Variants in CNTD1 observed in about 807,000 individuals in gnomAD.
CNTD1 encodes cyclin N-terminal domain containing 1.
In CNTD1, 17 loss-of-function variants were observed where a neutral mutation model predicts 36.3. The observed-to-expected ratio is 0.47, with a 90% CI of 0.32 to 0.70. The LOEUF is 0.70. CNTD1 is among the 30% of genes least tolerant of loss of function. The pLI, the probability that CNTD1 is intolerant of heterozygous loss-of-function variation, is 0.03. For missense variants in CNTD1, 338 were observed against 386.1 expected (o/e 0.88, Z 1.04); for synonymous variants, 128 against 153.3 (o/e 0.83, Z 1.22).
At position 42,810,626 on chromosome 17, in the gene CNTD1, G is replaced by A; in HGVS notation, c.*1091G>A. 3.3e-6 allele frequency: 3 copies of A among 911,600 alleles called. No individual in the cohort carries two copies. The highest frequency in any genetic ancestry group is 4.7e-6 in the Non-Finnish European group (3 of 641,026). 56.5% of individuals were successfully genotyped at this position (911,600 alleles called of 1,614,324 possible). A position where few individuals can be genotyped will look rare whatever the true frequency, so the allele number is the denominator to read the frequency against. On this transcript the variant is annotated 3_prime_UTR_variant, in exon 7 of 7. Coordinates refer to ENST00000588408, the MANE Select transcript of CNTD1 (RefSeq NM_173478.3). ...TCACATGATATTTTAAAATAAAGTG[G>A]CTTTTGTGGATTTTTTCTTTTTTGG...
Position 42,805,883 on chromosome 17 carries a change from A to G in CNTD1, c.579A>G (p.Leu193=), listed in dbSNP as rs2054871273. The change falls in exon 4 of 7, where the codon TTA becomes TTG. Residue 193 remains leucine (L), a splice_region_variant and synonymous_variant. Coordinates refer to ENST00000588408, the MANE Select transcript of CNTD1 (RefSeq NM_173478.3). ...LAYVETLLEV[L]GYNGCLVPAM... is the part of the protein sequence containing the mutation. Reference sequence around the variant, plus strand: ...ATGTGGAGACGCTCCTAGAGGTTTTAGGTATCTTACTGTGTTAGGGAATAT... The same window carrying G: ...ATGTGGAGACGCTCCTAGAGGTTTTGGGTATCTTACTGTGTTAGGGAATAT... The G allele has an allele frequency of 6.2e-7, 1 of 1,609,784 alleles. No individual in the cohort carries two copies. Among genetic ancestry groups the G allele is most frequent in the Admixed American group, 1.7e-5 (1 of 59,308 alleles).
chr17:42,809,751 G>T lies in CNTD1; in HGVS notation c.*216G>T. 1 of 496,340 alleles carries T rather than the reference G, an allele frequency of 2.0e-6. No individual in the cohort carries two copies. 30.7% of individuals were successfully genotyped at this position (496,340 alleles called of 1,614,324 possible). On this transcript the variant is annotated 3_prime_UTR_variant, in exon 7 of 7. Coordinates refer to ENST00000588408, the MANE Select transcript of CNTD1 (RefSeq NM_173478.3). ...GCCTGAAAATGTTAAAAAGCTAGGT[G>T]GAGACAGATTAGTTGTTTCATTTTT... is the stretch of plus-strand genomic sequence containing the variant.
upstream of CNTD1, chr17:42,798,806 C>G: frequency 1.4e-6 from 2 of 1,451,738 alleles, no homozygotes. Flanking sequence ...CCGCGGTTCC[C>G]GGGCACAGGG....
At chr17:42,800,521 G>A (rs2054761860) in intron 1 of CNTD1, among the ~76,000 whole-genome samples, 1 of 152,158 alleles carries the variant, frequency 6.6e-6, no homozygotes, top group Non-Finnish European at 1.5e-5. Context: ...TGAATGCCAA[G>A]GGGAAGAGTT....
intron 1 of CNTD1, among the ~76,000 whole-genome samples, chr17:42,800,062 CTCTG>C (rs1469587311): frequency 7.9e-6 from 1 of 125,990 alleles, no homozygotes; most frequent in Non-Finnish European, 1.6e-5. Context: ...CAGAGCGAGA[CTCTG>C]TCTAAAAAAA....
chr17:42,809,306 T>G lies in CNTD1; in HGVS notation c.823-59T>G, dbSNP rs372364782. 12 of 1,431,650 alleles carry G rather than the reference T, an allele frequency of 8.4e-6. No homozygotes were observed. The East Asian group carries it at 2.1e-4, about 25-fold the overall frequency. 88.7% of individuals were successfully genotyped at this position (1,431,650 alleles called of 1,614,324 possible). On this transcript the variant is annotated intron_variant, in intron 6 of 6. Transcript: ENST00000588408. ...GAACATCCCAAGTAATGTGTGTGTT[T>G]GTGCACTAAAATGTGTTGAGATTTT...
chr17:42,809,370 G>A lies in CNTD1; in HGVS notation c.828G>A (p.Val276=), dbSNP rs2054945624. 1.2e-6 allele frequency: 2 copies of A among 1,609,506 alleles called. No individual in the cohort carries two copies. Among genetic ancestry groups the A allele is most frequent in the South Asian group, 1.1e-5 (1 of 90,498 alleles). Residue 276 remains valine, a synonymous_variant, in exon 7 of 7, where the codon GTG becomes GTA. Transcript: ENST00000588408. ...IQNHECWSQV[V]GHLQSITGIA... is the part of the protein sequence containing the mutation. ...ATCTGTCTCTATTTCTGAAGGTTGT[G>A]GGGCATTTGCAGAGCATCACTGGTA... is the stretch of plus-strand genomic sequence containing the variant.
At position 42,806,706 on chromosome 17, in the gene CNTD1, C is replaced by T. The variant is rs764663779; in HGVS notation, c.613C>T (p.Leu205=). 1.2e-6 allele frequency: 2 copies of T among 1,614,096 alleles called. No homozygotes were observed. The highest frequency in any genetic ancestry group is 3.3e-5 in the Admixed American group (2 of 60,016). The change falls in exon 5 of 7, where the codon CTG becomes TTG. Residue 205 remains leucine, a synonymous_variant. Coordinates refer to ENST00000588408, the MANE Select transcript of CNTD1 (RefSeq NM_173478.3). ...TGGCTGTTTGGTTCCAGCCATGAGG[C>T]TGCATGCAACCTGCCTGACACTGCT... ...YNGCLVPAMR[L]HATCLTLLDL...
chr17:42,799,260 T>A, intron 1 of CNTD1, 24 bp downstream of exon 1: 1 of 1,596,360 alleles, frequency 6.3e-7, no homozygotes, highest in Non-Finnish European at 8.5e-7. Flanking sequence ...GCCGGGGTGC[T>A]GGGTTCTTGG....
intron 1 of CNTD1, among the ~76,000 whole-genome samples, chr17:42,802,673 T>C (rs1215889498): frequency 1.3e-5 from 2 of 152,236 alleles, no homozygotes; most frequent in Non-Finnish European, 2.9e-5. Flanking sequence ...AGTAGATTGT[T>C]ACTTGTGTAA....
At position 42,804,229 on chromosome 17, in the gene CNTD1, A is replaced by G; in HGVS notation, c.250A>G (p.Met84Val). The change falls in exon 3 of 7, where the codon ATG (methionine) becomes GTG (valine). Residue 84 changes from methionine to valine, a missense_variant. By Grantham distance (21) the Met-to-Val change is conservative (BLOSUM62 1). Transcript: ENST00000588408. ...CTCTCCCTCCCTTCCCTACAGGTTT[A>G]TGGTAAAACAGGCAGAGAACATCTG... Reference protein sequence around the residue: ...YQAVEILERFMVKQAENICRQ... With the variant: ...YQAVEILERFVVKQAENICRQ... The G allele has an allele frequency of 6.2e-7, 1 of 1,613,368 alleles. No homozygotes were observed. Among genetic ancestry groups the G allele is most frequent in the East Asian group, 2.2e-5 (1 of 44,872 alleles).
At chr17:42,807,376 C>T (rs1363175283) in intron 5 of CNTD1, among the ~76,000 whole-genome samples, 1 of 151,944 alleles carries the variant, frequency 6.6e-6, no homozygotes, top group African/African-American at 2.4e-5. Context: ...GATGGCGCCA[C>T]TGCACTCCAG....
chr17:42,806,540 A>G, intron 4 of CNTD1, 134 bp from the exon 5 acceptor site: 2 of 843,536 alleles, frequency 2.4e-6, no homozygotes, highest in Admixed American at 2.2e-5. Flanking sequence ...ATCTCCAGCT[A>G]AACAGGTTTC....
intron 4 of CNTD1, 128 bp downstream of exon 4, chr17:42,806,012 G>A: frequency 1.2e-6 from 1 of 802,562 alleles, no homozygotes; most frequent in East Asian, 2.9e-5. Flanking sequence ...TGGATCACTT[G>A]AGGCCAGGAG....
At chr17:42,808,949 T>C (rs2054934295) in intron 6 of CNTD1, among the ~76,000 whole-genome samples, 2 of 152,008 alleles carry the variant, frequency 1.3e-5, no homozygotes, top group Non-Finnish European at 2.9e-5. Context: ...CTCCAGAGGC[T>C]GAAGTGGGAG....
At chr17:42,808,552 T>TAA (rs1567664073) in intron 6 of CNTD1, among the ~76,000 whole-genome samples, 6 of 128,232 alleles carry the variant, frequency 4.7e-5, no homozygotes, top group East Asian at 2.3e-4. Context: ...CCCCATCTCA[T>TAA]TAAAAAAAAA....
Position 42,805,705 on chromosome 17 carries a change from C to T in CNTD1, c.418-17C>T. On this transcript the variant is annotated splice_polypyrimidine_tract_variant and intron_variant, in intron 3 of 6. Transcript: ENST00000588408. ...TTTATCCTAACATTCTTCTTTCCCT[C>T]TCTTTTCTTTGCTCAGATAATCAGC... 4 of 1,604,954 alleles carry T rather than the reference C, an allele frequency of 2.5e-6. No homozygotes were observed. The highest frequency in any genetic ancestry group is 3.4e-6 in the Non-Finnish European group (4 of 1,175,504).
chr17:42,807,448 AG>A (rs2054899462), intron 5 of CNTD1, among the ~76,000 whole-genome samples: 1 of 152,132 alleles, frequency 6.6e-6, no homozygotes, highest in Non-Finnish European at 1.5e-5. Flanking sequence ...AACAGTCACA[AG>A]GTTGCAACTT....
chr17:42,807,773 A>C lies in CNTD1; in HGVS notation c.731A>C (p.Lys244Thr). 1 of 1,611,892 alleles carries C rather than the reference A, an allele frequency of 6.2e-7. No individual in the cohort carries two copies. The highest frequency in any genetic ancestry group is 8.5e-7 in the Non-Finnish European group (1 of 1,178,030). ...NSTPSQLQGEKFTSVKEDFML... is the reference protein window; with the variant it reads ...NSTPSQLQGETFTSVKEDFML... ...ATGTGGTTTTAATCACTCAGGGAAA[A>C]GTTTACTTCAGTGAAGGAAGACTTC... The change falls in exon 6 of 7, where the codon AAG becomes ACG. Residue 244 changes from lysine to threonine, a missense_variant. Transcript: ENST00000588408.
Sources: allele counts gnomAD v4.1 joint callset (sites outside exome capture counted in the v4.1 genomes callset), GRCh38; gene constraint gnomAD v4.1.1; transcripts MANE v1.5; gene names NCBI Gene and HGNC (gene_info 2026-07-23, HGNC 2026-07-21).